INSL6: variants seen among roughly 807,000 people sequenced by gnomAD.
INSL6 encodes the protein insulin-like peptide INSL6.
INSL6 carries 16 observed loss-of-function variants against 9.4 expected under a neutral mutation model. The observed-to-expected ratio is 1.70, with a 90% confidence interval of 1.15 to 2.59. The LOEUF is 2.59. Ranked by LOEUF, INSL6 falls within the 30% of genes most tolerant of loss-of-function variation. The pLI is 0.00. For synonymous variants in INSL6, 154 were observed against 96.9 expected, an observed-to-expected ratio of 1.59 and a Z score of -3.46; for missense variants, 391 against 257.3, an observed-to-expected ratio of 1.52 and a Z score of -3.56.
the INSL6 span, chr9:5,085,966 C>T: frequency 2.5e-5 from 27 of 1,098,800 alleles, no homozygotes; most frequent in Admixed American, 8.5e-5. Context: ...TATTTCTCAC[C>T]ACTGTGTGTT....
chr9:5,111,043 T>C, the INSL6 span: 2 of 955,644 alleles, frequency 2.1e-6, no homozygotes, highest in Non-Finnish European at 3.2e-6. Context: ...CGGGGCGCAA[T>C]TCAGAGGTTC....
chr9:5,179,256 A>G (rs1825388539), intron 1 of INSL6, among the ~76,000 whole-genome samples: 1 of 152,214 alleles, frequency 6.6e-6, no homozygotes, highest in African/African-American at 2.4e-5. Context: ...CAAACAAAAA[A>G]TAGCTCAACA....
At chr9:5,117,663 TTAAA>T in the INSL6 span, among the ~76,000 whole-genome samples, 5 of 139,934 alleles carry the variant, frequency 3.6e-5, no homozygotes, top group Non-Finnish European at 7.8e-5. Context: ...TGGTTTTATC[TTAAA>T]TAAATTAATA....
intron 3 of INSL6, among the ~76,000 whole-genome samples, chr9:5,128,943 A>T (rs910160053): frequency 6.6e-6 from 1 of 152,020 alleles, no homozygotes; most frequent in Non-Finnish European, 1.5e-5. Context: ...TAAGTTATAC[A>T]ATCTTTATAT....
At chr9:5,118,606 A>G in the INSL6 span, among the ~76,000 whole-genome samples, 3 of 152,330 alleles carry the variant, frequency 2.0e-5, no homozygotes, top group Admixed American at 6.5e-5. Flanking sequence ...ATTTATTTCT[A>G]TAATGGGACA....
At chr9:5,032,184 G>A in the INSL6 span, among the ~76,000 whole-genome samples, 1 of 152,224 alleles carries the variant, frequency 6.6e-6, no homozygotes, top group Non-Finnish European at 1.5e-5. Context: ...ACTGCAAGGT[G>A]GCAGCGAGGC....
chr9:5,091,285 G>GT, the INSL6 span: 1 of 158,076 alleles, frequency 6.3e-6, no homozygotes, highest in Non-Finnish European at 1.4e-5. Flanking sequence ...TGGTATAATG[G>GT]TTATTTTTGG....
At chr9:4,993,155 T>A in the INSL6 span, among the ~76,000 whole-genome samples, 10 of 152,350 alleles carry the variant, frequency 6.6e-5, 1 homozygote, top group South Asian at 2.1e-3. Flanking sequence ...TGTACTGCCA[T>A]ACCCACAAAT....
At position 5,154,795 on chromosome 9, in the gene INSL6, G is replaced by C. The variant is rs572057942; in HGVS notation, c.376+9384C>G. On this transcript the variant is annotated intron_variant, in intron 2 of 3. Transcript: ENST00000649639. ...ATGAGATACCATCACACACCAGTTA[G>C]AATGGCAATCATTCAAAAGTCAGGA... Among the ~76,000 whole-genome samples the C allele has an allele frequency of 1.5e-4, 23 of 152,332 alleles. No individual in the cohort carries two copies. In the East Asian group the frequency reaches 4.4e-3, roughly 29 times the overall value.
the INSL6 span, among the ~76,000 whole-genome samples, chr9:5,077,925 T>C: frequency 6.6e-6 from 1 of 152,174 alleles, no homozygotes; most frequent in Non-Finnish European, 1.5e-5. Flanking sequence ...AAAGCGGTGT[T>C]GACAGAGAAG....
intron 1 of INSL6, among the ~76,000 whole-genome samples, chr9:5,167,486 C>T (rs533263207): frequency 5.0e-4 from 76 of 152,318 alleles, no homozygotes; most frequent in African/African-American, 1.2e-3. Context: ...CACAGCACAG[C>T]GGCTGGGACA....
the INSL6 span, among the ~76,000 whole-genome samples, chr9:5,077,734 G>A: frequency 6.6e-6 from 1 of 152,016 alleles, no homozygotes; most frequent in Non-Finnish European, 1.5e-5. Flanking sequence ...ATTACTTTAG[G>A]CATATGTTTA....
intron 3 of INSL6, chr9:5,126,845 A>G: frequency 9.5e-7 from 1 of 1,048,290 alleles, no homozygotes; most frequent in South Asian, 1.3e-5. Context: ...AAAGTTTTAT[A>G]TTTCACATTG....
At chr9:5,080,752 A>G in the INSL6 span, 2 of 1,195,260 alleles carry the variant, frequency 1.7e-6, no homozygotes, top group Admixed American at 2.7e-5. Flanking sequence ...AATCATTACT[A>G]ATTTTTAATT....
chr9:5,111,338 G>A, the INSL6 span: 1 of 427,074 alleles, frequency 2.3e-6, no homozygotes, highest in East Asian at 5.6e-5. Flanking sequence ...CCTCAGGCAT[G>A]AAGGGGACCT....
At chr9:5,078,316 C>T in the INSL6 span, 2 of 1,611,506 alleles carry the variant, frequency 1.2e-6, no homozygotes, top group Non-Finnish European at 1.7e-6. Flanking sequence ...GAAGAAAACA[C>T]CCTTATTCAT....
At chr9:5,029,861 T>A in the INSL6 span, 3 of 1,612,358 alleles carry the variant, frequency 1.9e-6, no homozygotes, top group Non-Finnish European at 1.7e-6. Flanking sequence ...AACCATGTCT[T>A]CCATATAGAT....
At chr9:5,107,664 T>C in the INSL6 span, among the ~76,000 whole-genome samples, 1 of 152,182 alleles carries the variant, frequency 6.6e-6, no homozygotes, top group Admixed American at 6.5e-5. Context: ...CAACATTATA[T>C]TACCATATAC....
the INSL6 span, among the ~76,000 whole-genome samples, chr9:5,038,596 A>AT: frequency 0.032 from 4,757 of 146,508 alleles, 110 homozygotes; most frequent in Non-Finnish European, 0.047. Context: ...TGGATTTTAG[A>AT]TTTTTTTTTT....
Sources: gnomAD v4.1 joint callset for allele counts (sites outside exome capture counted in the v4.1 genomes callset) on GRCh38, gnomAD v4.1.1 for gene constraint, MANE v1.5 for transcripts, NCBI Gene and HGNC (gene_info 2026-07-23, HGNC 2026-07-21) for gene names.